Variants in PKIB observed in about 807,000 individuals in gnomAD.
PKIB encodes PKI-beta.
Under a neutral mutation model 4.5 loss-of-function variants are expected in PKIB, and 2 were observed. That is an observed-to-expected ratio of 0.44 (90% CI 0.18 to 1.39). The LOEUF is 1.39. PKIB is among the 40% of genes most tolerant of loss of function. The probability of loss-of-function intolerance (pLI) is 0.27; values close to 1 mark genes in which losing one functional copy is unlikely to be tolerated. For synonymous variants in PKIB, 38 were observed against 36.0 expected (o/e 1.06, Z -0.20); for missense variants, 94 against 92.6 (o/e 1.02, Z -0.06).
intron 2 of PKIB, among the ~76,000 whole-genome samples, chr6:122,528,566 G>C (rs1228591935): frequency 6.6e-6 from 1 of 152,120 alleles, no homozygotes; most frequent in African/African-American, 2.4e-5. Context: ...AGAGAAAGAA[G>C]GAGCTCTAAT....
chr6:122,638,695 T>G (rs1178850460), intron 2 of PKIB, among the ~76,000 whole-genome samples: 1 of 152,220 alleles, frequency 6.6e-6, no homozygotes, highest in Non-Finnish European at 1.5e-5. Flanking sequence ...TCCATCCACC[T>G]TAAAGAGTTT....
At chr6:122,545,135 C>T (rs759795501) in intron 2 of PKIB, among the ~76,000 whole-genome samples, 7 of 152,082 alleles carry the variant, frequency 4.6e-5, no homozygotes, top group Non-Finnish European at 8.8e-5. Context: ...AATCTCATTA[C>T]TGGGTATATA....
intron 3 of PKIB, chr6:122,701,305 T>A (rs574608123): frequency 9.0e-6 from 6 of 666,154 alleles, no homozygotes; most frequent in Non-Finnish European, 1.5e-5. Flanking sequence ...ACAAGCAATG[T>A]CTGTATTGCT....
In PKIB at chr6:122,669,560, A is replaced by C. The variant is rs575646468; in HGVS notation, c.-75-5518A>C. ...TTTGGCATTCTCTGATCTTAGTCTT[A>C]GATTCTATTAATTTTCACATTTTCA... On this transcript the variant is annotated intron_variant, in intron 2 of 4. Transcript: ENST00000368452. Among the ~76,000 whole-genome samples the C allele has an allele frequency of 1.2e-4, 19 of 152,080 alleles. 1 individual carries two copies. In the South Asian group the frequency reaches 3.9e-3, roughly 32 times the overall value.
chr6:122,553,970 T>A (rs1398578783), intron 2 of PKIB, among the ~76,000 whole-genome samples: 1 of 152,182 alleles, frequency 6.6e-6, no homozygotes, highest in Non-Finnish European at 1.5e-5. Flanking sequence ...GCTTCTAGTT[T>A]AGGGAAAAAT....
intron 1 of PKIB, among the ~76,000 whole-genome samples, chr6:122,629,105 G>A (rs1775584095): frequency 6.6e-6 from 1 of 152,138 alleles, no homozygotes; most frequent in South Asian, 2.1e-4. Flanking sequence ...GTCCTGAAGG[G>A]GGCAGCTGGT....
chr6:122,669,480 T>G (rs1193005516), intron 2 of PKIB, among the ~76,000 whole-genome samples: 1 of 152,208 alleles, frequency 6.6e-6, no homozygotes, highest in Non-Finnish European at 1.5e-5. Context: ...TTTTAACCTT[T>G]GCTGATTACT....
At chr6:122,480,043 T>A (rs1775563838) in intron 2 of PKIB, 1 of 143,882 alleles carries the variant, frequency 7.0e-6, no homozygotes, top group Non-Finnish European at 1.5e-5. Context: ...CCATAGTCAA[T>A]TTTTTTTTTT....
intron 2 of PKIB, among the ~76,000 whole-genome samples, chr6:122,539,678 G>A (rs1256026655): frequency 6.6e-6 from 1 of 151,960 alleles, no homozygotes; most frequent in Non-Finnish European, 1.5e-5. Flanking sequence ...TTTGGTATGA[G>A]GATGATGCTG....
At chr6:122,628,140 G>T (rs1463356673) in intron 1 of PKIB, among the ~76,000 whole-genome samples, 1 of 151,552 alleles carries the variant, frequency 6.6e-6, no homozygotes, top group Non-Finnish European at 1.5e-5. Flanking sequence ...AGGTTCAAGC[G>T]ATTCTCCTGC....
In PKIB at chr6:122,507,071, G is replaced by T. The variant is rs73545281; in HGVS notation, c.-248+29132G>T. Among the ~76,000 whole-genome samples, 764 of 152,068 alleles carry T rather than the reference G, an allele frequency of 5.0e-3. 5 individuals are homozygous for T. The highest frequency in any genetic ancestry group is 0.017 in the African/African-American group (713 of 41,466). ...AGGCTGTTAATCCCTCTTTTTGGGGGGTTTAAATTGTTTTAATTGAACCAA... is the reference window on the plus strand; with the variant it reads ...AGGCTGTTAATCCCTCTTTTTGGGGTGTTTAAATTGTTTTAATTGAACCAA... On this transcript the variant is annotated intron_variant, in intron 2 of 6. Coordinates refer to the PKIB transcript ENST00000392491.
intron 2 of PKIB, among the ~76,000 whole-genome samples, chr6:122,520,661 T>TTCCCCCTC (rs1562237597): frequency 1.8e-5 from 1 of 55,544 alleles, no homozygotes. Flanking sequence ...AAGTTTATGT[T>TTCCCCCTC]CCCACCCCCC....
At chr6:122,561,998 T>TG (rs1374889343) in intron 2 of PKIB, among the ~76,000 whole-genome samples, 3 of 132,824 alleles carry the variant, frequency 2.3e-5, no homozygotes, top group Non-Finnish European at 4.6e-5. Flanking sequence ...GTTTTTGTTT[T>TG]TTTTTGTTTT....
chr6:122,677,552 T>A (rs532672562), intron 3 of PKIB, among the ~76,000 whole-genome samples: 22 of 152,322 alleles, frequency 1.4e-4, no homozygotes, highest in Middle Eastern at 3.4e-3. Flanking sequence ...ACATTGAGAT[T>A]GACTGTCTTC....
rs118088064 is a variant in PKIB, at chr6:122,649,187, G to A, written c.-76+15820G>A. 1.3e-3 allele frequency among the ~76,000 whole-genome samples: 203 copies of A among 152,262 alleles called. 8 individuals carry two copies. The East Asian group carries it at 0.036, about 27-fold the overall frequency. On this transcript the variant is annotated intron_variant, in intron 2 of 4. Transcript: ENST00000368452. The stretch of plus-strand genomic sequence containing the variant: ...TCCTTGTCACCAATTTTTCAGTCAT[G>A]TTCCTTTTAAGTTGATGGCCATCTC...
chr6:122,510,674 A>G (rs1776557415), intron 2 of PKIB, among the ~76,000 whole-genome samples: 1 of 152,194 alleles, frequency 6.6e-6, no homozygotes. Flanking sequence ...GGGAATTTCA[A>G]GGAGAGAAAG....
chr6:122,638,662 G>A (rs117231981), intron 2 of PKIB, among the ~76,000 whole-genome samples: 1 of 152,104 alleles, frequency 6.6e-6, no homozygotes, highest in Non-Finnish European at 1.5e-5. Flanking sequence ...TCAGTATTGC[G>A]TTTAGCACTT....
chr6:122,721,413 G>A (rs779494596), intron 4 of PKIB, among the ~76,000 whole-genome samples: 7 of 152,088 alleles, frequency 4.6e-5, no homozygotes, highest in Non-Finnish European at 8.8e-5. Context: ...TACACTTCTC[G>A]GAATGTTTCC....
At chr6:122,604,490 A>G (rs1460329309) in intron 3 of PKIB, among the ~76,000 whole-genome samples, 1 of 152,232 alleles carries the variant, frequency 6.6e-6, no homozygotes, top group African/African-American at 2.4e-5. Context: ...AATTATGAAA[A>G]TTAGAAAAAA....
Sources: allele counts gnomAD v4.1 joint callset (sites outside exome capture counted in the v4.1 genomes callset), GRCh38; gene constraint gnomAD v4.1.1; transcripts MANE v1.5; gene names NCBI Gene and HGNC (gene_info 2026-07-23, HGNC 2026-07-21).